The following SHROOM3 variants were observed in gnomAD, a reference collection of about 807,000 sequenced individuals.
SHROOM3 encodes the protein protein Shroom3.
Under a neutral mutation model 138.6 loss-of-function variants are expected in SHROOM3, and 47 were observed. That is an observed-to-expected ratio of 0.34 (90% confidence interval 0.27 to 0.43). The LOEUF (loss-of-function observed/expected upper bound fraction) is 0.43, where lower values mean the gene tolerates loss of function less well. Ranked by LOEUF, SHROOM3 falls within the 20% of genes least tolerant of loss-of-function variation. SHROOM3 has a pLI of 1.00. For missense variants in SHROOM3, 2,491 were observed against 2,596.5 expected (o/e 0.96, Z 0.88); for synonymous variants, 1,062 against 1,063.3 (o/e 1.00, Z 0.02).
At chr4:76,743,900 T>G (rs956371815) in intron 5 of SHROOM3, among the ~76,000 whole-genome samples, 2 of 152,258 alleles carry the variant, frequency 1.3e-5, no homozygotes, top group East Asian at 3.8e-4. Context: ...GCTTGATGGA[T>G]TTTAGCAACT....
chr4:76,710,484 G>A (rs1195684586), intron 3 of SHROOM3, among the ~76,000 whole-genome samples, 197 bp downstream of exon 3: 4 of 152,232 alleles, frequency 2.6e-5, no homozygotes, highest in East Asian at 1.9e-4. Context: ...GGTAGTTTAC[G>A]CACAAGGTTC....
intron 1 of SHROOM3, among the ~76,000 whole-genome samples, chr4:76,534,567 G>A (rs1022047977): frequency 1.5e-4 from 23 of 152,102 alleles, no homozygotes; most frequent in Non-Finnish European, 2.1e-4. Flanking sequence ...GAATTTAGAC[G>A]TACGTGAAGA....
At chr4:76,583,335 G>C (rs978090422) in intron 2 of SHROOM3, among the ~76,000 whole-genome samples, 1 of 152,172 alleles carries the variant, frequency 6.6e-6, no homozygotes, top group African/African-American at 2.4e-5. Context: ...AGGGTGAAAG[G>C]TCGTGCTCTA....
At chr4:76,567,033 G>C (rs1011898869) in intron 2 of SHROOM3, among the ~76,000 whole-genome samples, 1 of 152,190 alleles carries the variant, frequency 6.6e-6, no homozygotes, top group African/African-American at 2.4e-5. Flanking sequence ...GCTTAGTACA[G>C]TTTGTCAGTG....
intron 2 of SHROOM3, among the ~76,000 whole-genome samples, chr4:76,588,446 A>G (rs1229672173): frequency 6.6e-6 from 1 of 152,140 alleles, no homozygotes; most frequent in Non-Finnish European, 1.5e-5. Flanking sequence ...TGCTGTGGAC[A>G]GCACAATACA....
intron 3 of SHROOM3, among the ~76,000 whole-genome samples, chr4:76,714,283 T>C (rs539078419): frequency 6.6e-6 from 1 of 152,328 alleles, no homozygotes; most frequent in African/African-American, 2.4e-5. Context: ...TGTGTTCCCT[T>C]AGCCTCCTCT....
rs144931439 is a variant in SHROOM3 at position 76,772,053 on chromosome 4, C to T, written c.5622+1155C>T. On this transcript the variant is annotated intron_variant, in intron 10 of 10. Coordinates refer to ENST00000296043, the MANE Select transcript of SHROOM3 (RefSeq NM_020859.4). ...GCTAGAAGATGGAAACTACTCCAGC[C>T]GTGAAGAGGGGCTCCTTTTCTTGCC... is the stretch of plus-strand genomic sequence containing the variant. Among the ~76,000 whole-genome samples, 8 of 151,568 alleles carry T rather than the reference C, an allele frequency of 5.3e-5. No homozygotes were observed. In the East Asian group the frequency reaches 1.4e-3, roughly 26 times the overall value.
intron 2 of SHROOM3, among the ~76,000 whole-genome samples, chr4:76,592,933 T>G (rs6532501): frequency 0.68 from 102,685 of 151,922 alleles, 35,192 homozygotes; most frequent in East Asian, 0.94. Context: ...GGCACTTCAG[T>G]GACCCTTTCT....
intron 1 of SHROOM3, among the ~76,000 whole-genome samples, chr4:76,473,624 AG>A (rs1194142917): frequency 6.6e-6 from 1 of 152,184 alleles, no homozygotes; most frequent in African/African-American, 2.4e-5. Context: ...AAGAAAAAAA[AG>A]AAGACAACCC....
chr4:76,508,003 A>G (rs991260262), intron 1 of SHROOM3, among the ~76,000 whole-genome samples: 2 of 152,150 alleles, frequency 1.3e-5, no homozygotes, highest in Non-Finnish European at 2.9e-5. Flanking sequence ...ATTTTCTCCC[A>G]TTATCAGGGT....
chr4:76,663,298 G>C (rs117861981), intron 2 of SHROOM3, among the ~76,000 whole-genome samples: 1 of 152,008 alleles, frequency 6.6e-6, no homozygotes, highest in South Asian at 2.1e-4. Context: ...AGGATTTCTC[G>C]GTTGTGTGTT....
intron 10 of SHROOM3, among the ~76,000 whole-genome samples, chr4:76,774,340 T>C (rs897173614): frequency 6.6e-6 from 1 of 152,004 alleles, no homozygotes; most frequent in Non-Finnish European, 1.5e-5. Context: ...AGCAGTATTG[T>C]TTTTTTATCA....
chr4:76,524,129 C>T (rs1416219365), intron 1 of SHROOM3, among the ~76,000 whole-genome samples: 3 of 152,066 alleles, frequency 2.0e-5, no homozygotes, highest in Non-Finnish European at 2.9e-5. Context: ...GTAGAGGGTC[C>T]GGGCAAATGT....
intron 1 of SHROOM3, among the ~76,000 whole-genome samples, chr4:76,550,722 G>A (rs1321554241): frequency 6.6e-6 from 1 of 152,114 alleles, no homozygotes; most frequent in African/African-American, 2.4e-5. Context: ...CCCATGGCCA[G>A]GTGCAGTGGC....
chr4:76,584,652 G>C (rs546742534), intron 2 of SHROOM3, among the ~76,000 whole-genome samples: 1 of 152,324 alleles, frequency 6.6e-6, no homozygotes, highest in East Asian at 1.9e-4. Flanking sequence ...GCATAGTGGA[G>C]ATGAGCTCTG....
chr4:76,457,679 A>T (rs1731056521), intron 1 of SHROOM3, among the ~76,000 whole-genome samples: 1 of 151,600 alleles, frequency 6.6e-6, no homozygotes, highest in Admixed American at 6.6e-5. Context: ...TTTAGTAGAG[A>T]CGGGGTTTCA....
At chr4:76,455,034 A>T (rs1298768723) in intron 1 of SHROOM3, among the ~76,000 whole-genome samples, 2 of 152,146 alleles carry the variant, frequency 1.3e-5, no homozygotes, top group African/African-American at 2.4e-5. Flanking sequence ...ATTAATTCTA[A>T]CAGCTTTTTT....
chr4:76,721,446 A>G (rs1577995432), intron 3 of SHROOM3, among the ~76,000 whole-genome samples: 1 of 152,236 alleles, frequency 6.6e-6, no homozygotes, highest in East Asian at 1.9e-4. Context: ...GGGTCTGGTT[A>G]AACAAATATA....
At chr4:76,760,490 GGAAGGTAAGTGGT>G (rs1180505901) in intron 9 of SHROOM3, among the ~76,000 whole-genome samples, 1 of 152,170 alleles carries the variant, frequency 6.6e-6, no homozygotes, top group Non-Finnish European at 1.5e-5. Context: ...TGCTGAGCCT[GGAAGGTAAGTGGT>G]TTTCAGTGAT....
Sources: allele counts gnomAD v4.1 joint callset (sites outside exome capture counted in the v4.1 genomes callset), GRCh38; gene constraint gnomAD v4.1.1; transcripts MANE v1.5; gene names NCBI Gene and HGNC (gene_info 2026-07-23, HGNC 2026-07-21).